The following ACTR3C variants were observed in gnomAD, a reference collection of about 807,000 sequenced individuals.
ACTR3C encodes the protein actin-related protein 3C.
ACTR3C carries 18 observed loss-of-function variants against 26.3 expected under a neutral mutation model. The ratio of observed to expected loss-of-function variants is 0.68; its 90% CI spans 0.47 to 1.01. ACTR3C has a LOEUF of 1.01. Among genes scored for constraint, ACTR3C ranks in the 50% least tolerant of loss-of-function variants. The pLI, the probability that ACTR3C is intolerant of heterozygous loss-of-function variation, is 0.00. For missense variants in ACTR3C, 184 were observed against 250.7 expected (o/e 0.73, Z 1.80); for synonymous variants, 55 against 94.5 (o/e 0.58, Z 2.42).
chr7:149,926,143 C>A, the ACTR3C span, among the ~76,000 whole-genome samples: 1 of 151,958 alleles, frequency 6.6e-6, no homozygotes, highest in African/African-American at 2.4e-5. Context: ...GACTCAAAAT[C>A]TAGAAACAAT....
chr7:150,010,553 G>C, the ACTR3C span, among the ~76,000 whole-genome samples: 1 of 152,028 alleles, frequency 6.6e-6, no homozygotes, highest in Non-Finnish European at 1.5e-5. Context: ...AATTAGCCGG[G>C]CGTGGTGATG....
At chr7:149,888,221 C>A in the ACTR3C span, among the ~76,000 whole-genome samples, 1 of 150,906 alleles carries the variant, frequency 6.6e-6, no homozygotes, top group Non-Finnish European at 1.5e-5. Context: ...GTCCACCCCC[C>A]TATTAATGAC....
the ACTR3C span, among the ~76,000 whole-genome samples, chr7:150,073,254 G>A: frequency 6.6e-6 from 1 of 152,274 alleles, no homozygotes; most frequent in African/African-American, 2.4e-5. Flanking sequence ...CATGTTCCCA[G>A]AATGCAGAAG....
At chr7:149,988,097 T>C in the ACTR3C span, among the ~76,000 whole-genome samples, 1 of 152,220 alleles carries the variant, frequency 6.6e-6, no homozygotes, top group Non-Finnish European at 1.5e-5. Flanking sequence ...TTAGAACGTG[T>C]CTGCCCCAGT....
the ACTR3C span, among the ~76,000 whole-genome samples, chr7:149,919,889 T>A: frequency 7.2e-6 from 1 of 139,368 alleles, no homozygotes; most frequent in South Asian, 2.7e-4. Context: ...CCACATATTC[T>A]GAAAGATACG....
chr7:150,112,197 G>A, the ACTR3C span, among the ~76,000 whole-genome samples: 885 of 151,586 alleles, frequency 5.8e-3, 3 homozygotes, highest in African/African-American at 0.02. Flanking sequence ...CTTCCTCAGT[G>A]GGAACATCCC....
the ACTR3C span, among the ~76,000 whole-genome samples, chr7:150,043,939 T>G: frequency 0.85 from 130,114 of 152,216 alleles, 55,656 homozygotes; most frequent in South Asian, 0.93. Context: ...GAAAAAAGAT[T>G]GGTTGGTTGT....
the ACTR3C span, among the ~76,000 whole-genome samples, chr7:150,235,094 G>T: frequency 6.6e-6 from 1 of 152,160 alleles, no homozygotes; most frequent in Non-Finnish European, 1.5e-5. Context: ...AGCCATCTCA[G>T]AATCAGCCTA....
chr7:150,044,211 G>A, the ACTR3C span, among the ~76,000 whole-genome samples: 100 of 152,152 alleles, frequency 6.6e-4, 1 homozygote, highest in African/African-American at 2.2e-3. Flanking sequence ...TCAAGCAGGC[G>A]GATGACAAAG....
chr7:150,131,982 T>G, the ACTR3C span, among the ~76,000 whole-genome samples: 2 of 152,330 alleles, frequency 1.3e-5, no homozygotes, highest in South Asian at 2.1e-4. Context: ...CGATTCCACT[T>G]ATATGGAATG....
the ACTR3C span, among the ~76,000 whole-genome samples, chr7:149,927,618 C>T: frequency 6.6e-6 from 1 of 151,424 alleles, no homozygotes; most frequent in Non-Finnish European, 1.5e-5. Flanking sequence ...ATCCCAGCTA[C>T]TTGGGAGGCT....
chr7:150,101,950 A>G, the ACTR3C span, among the ~76,000 whole-genome samples: 1 of 151,694 alleles, frequency 6.6e-6, no homozygotes, highest in African/African-American at 2.4e-5. Flanking sequence ...CAAAAGCTTT[A>G]ATAGGAGGAT....
the ACTR3C span, among the ~76,000 whole-genome samples, chr7:150,013,874 C>A: frequency 5.3e-5 from 8 of 152,312 alleles, no homozygotes; most frequent in South Asian, 1.7e-3. Context: ...GGGAGGATGG[C>A]AACGCTATTC....
chr7:149,913,885 C>CTTT, the ACTR3C span, among the ~76,000 whole-genome samples: 21 of 74,634 alleles, frequency 2.8e-4, 6 homozygotes, highest in Non-Finnish European at 4.5e-4. Flanking sequence ...CTCATATGTC[C>CTTT]CTTTTTTTTT....
In ACTR3C at chr7:150,306,708, A is replaced by C. The variant is rs537937657; in HGVS notation, c.-51-11361T>G. On this transcript the variant is annotated intron_variant, in intron 1 of 7. Transcript: ENST00000683684. ...GAAACAATTTAGCAATACCTCGCCA[A>C]GGTGAACACCTCAGACCCAAAGACA... 3.9e-5 allele frequency among the ~76,000 whole-genome samples: 6 copies of C among 152,366 alleles called. No homozygotes were observed. In the South Asian group the frequency reaches 1.2e-3, roughly 32 times the overall value.
At chr7:150,000,071 T>A in the ACTR3C span, among the ~76,000 whole-genome samples, 1 of 149,830 alleles carries the variant, frequency 6.7e-6, no homozygotes, top group East Asian at 1.9e-4. Flanking sequence ...CTAGTATTTT[T>A]AATCTATTAT....
At chr7:150,221,998 C>CAAAAAAAAAAAAAAA in the ACTR3C span, among the ~76,000 whole-genome samples, 6 of 79,796 alleles carry the variant, frequency 7.5e-5, no homozygotes, top group African/African-American at 2.7e-4. Flanking sequence ...ACTCCGTCTC[C>CAAAAAAAAAAAAAAA]AAAAAAAAAA....
chr7:149,887,913 G>A, the ACTR3C span, among the ~76,000 whole-genome samples: 11 of 152,110 alleles, frequency 7.2e-5, no homozygotes, highest in Non-Finnish European at 1.0e-4. Context: ...TTCTCTTGCC[G>A]CTGCCATGTA....
At chr7:150,156,479 T>C in the ACTR3C span, among the ~76,000 whole-genome samples, 2 of 152,030 alleles carry the variant, frequency 1.3e-5, no homozygotes, top group Non-Finnish European at 2.9e-5. Context: ...GACTTAAGAC[T>C]TGAGTATCTT....
Sources: allele counts gnomAD v4.1 joint callset (sites outside exome capture counted in the v4.1 genomes callset), GRCh38; gene constraint gnomAD v4.1.1; transcripts MANE v1.5; gene names NCBI Gene and HGNC (gene_info 2026-07-23, HGNC 2026-07-21).